FAM184B: variants seen among roughly 807,000 people sequenced by gnomAD.
FAM184B encodes family with sequence similarity 184 member B, also known as protein FAM184B.
FAM184B carries 111 observed loss-of-function variants against 135.9 expected under a neutral mutation model. The observed-to-expected ratio is 0.82, with a 90% CI of 0.70 to 0.96. The LOEUF (loss-of-function observed/expected upper bound fraction) is 0.96. Ranked by LOEUF, FAM184B falls within the 40% of genes least tolerant of loss-of-function variation. The probability of loss-of-function intolerance (pLI) is 0.00; values close to 1 mark genes in which losing one functional copy is unlikely to be tolerated. For missense variants in FAM184B, 1,375 were observed against 1,323.9 expected, an observed-to-expected ratio of 1.04 and a Z score of -0.60; for synonymous variants, 552 against 524.8, an observed-to-expected ratio of 1.05 and a Z score of -0.71.
chr4:17,655,797 A>G (rs1431459219), intron 10 of FAM184B, among the ~76,000 whole-genome samples: 1 of 152,198 alleles, frequency 6.6e-6, no homozygotes, highest in East Asian at 1.9e-4. Context: ...GTGAACAATA[A>G]AAGTGAACCT....
intron 8 of FAM184B, among the ~76,000 whole-genome samples, chr4:17,662,905 A>G (rs1244130845): frequency 2.0e-5 from 3 of 152,230 alleles, no homozygotes. Flanking sequence ...TGTTAACCAC[A>G]TGTCCATGTG....
At chr4:17,748,983 C>G (rs1718237449) in intron 1 of FAM184B, among the ~76,000 whole-genome samples, 1 of 147,624 alleles carries the variant, frequency 6.8e-6, no homozygotes, top group Admixed American at 6.9e-5. Flanking sequence ...CTTGCCAGCA[C>G]ACCCAGCTAA....
intron 1 of FAM184B, among the ~76,000 whole-genome samples, chr4:17,770,581 A>G (rs1318118309): frequency 6.6e-6 from 1 of 152,110 alleles, no homozygotes; most frequent in Non-Finnish European, 1.5e-5. Context: ...CTCCTGCCTC[A>G]GTCTCCCGAG....
chr4:17,720,306 A>G (rs1717491167), intron 1 of FAM184B, among the ~76,000 whole-genome samples: 1 of 152,166 alleles, frequency 6.6e-6, no homozygotes, highest in Non-Finnish European at 1.5e-5. Context: ...TGCTCTTCCC[A>G]CAATATTCCT....
intron 1 of FAM184B, among the ~76,000 whole-genome samples, chr4:17,737,002 G>A (rs1321099270): frequency 6.6e-6 from 1 of 152,126 alleles, no homozygotes; most frequent in Non-Finnish European, 1.5e-5. Context: ...AAAATTAGCT[G>A]AGTATGGTGG....
Position 17,639,314 on chromosome 4 carries a change from T to C in FAM184B, c.2602A>G (p.Met868Val), listed in dbSNP as rs1210557804. ...TGGGCACTACTGAAATCTGCCACCA[T>C]GGCCTGCATCTCCTTCCGGTGTTCC... ...RQEHRKEMQAMVADFSSAQAQ... is the reference protein window; with the variant it reads ...RQEHRKEMQAVVADFSSAQAQ... The change falls in exon 14 of 18, where the codon ATG (methionine) becomes GTG (valine). Residue 868 changes from methionine (M) to valine (V), a missense_variant. By Grantham distance (21) the Met-to-Val change is conservative. Transcript: ENST00000265018. 6.4e-7 allele frequency: 1 copy of C among 1,551,738 alleles called. No homozygotes were observed. The highest frequency in any genetic ancestry group is 2.0e-5 in the Admixed American group (1 of 51,002).
chr4:17,673,453 G>A (rs1716223929), intron 7 of FAM184B, among the ~76,000 whole-genome samples: 1 of 152,058 alleles, frequency 6.6e-6, no homozygotes, highest in African/African-American at 2.4e-5. Context: ...ATATGAAAAG[G>A]GTACTTGCAC....
chr4:17,639,180 G>A (rs1171257471), intron 14 of FAM184B, 70 bp downstream of exon 14: 6 of 1,431,466 alleles, frequency 4.2e-6, no homozygotes, highest in Non-Finnish European at 5.7e-6. Context: ...CAGGGTCATT[G>A]GGGTGAGTTG....
chr4:17,660,236 A>C (rs1715882934), intron 8 of FAM184B, 149 bp from the exon 9 acceptor site: 1 of 891,612 alleles, frequency 1.1e-6, no homozygotes, highest in South Asian at 1.8e-5. Context: ...GGCTTTCAAA[A>C]AGCAACCTGC....
At chr4:17,765,405 A>G (rs1050610327) in intron 1 of FAM184B, among the ~76,000 whole-genome samples, 1 of 152,082 alleles carries the variant, frequency 6.6e-6, no homozygotes, top group Non-Finnish European at 1.5e-5. Context: ...ATTGATTATA[A>G]TATTGATTAT....
At chr4:17,698,724 A>G (rs1716920667) in intron 5 of FAM184B, among the ~76,000 whole-genome samples, 1 of 152,174 alleles carries the variant, frequency 6.6e-6, no homozygotes, top group Admixed American at 6.5e-5. Flanking sequence ...CAAGCTTAAA[A>G]ATAAATCTGG....
intron 1 of FAM184B, among the ~76,000 whole-genome samples, chr4:17,731,939 A>G (rs1470439081): frequency 1.3e-5 from 2 of 152,144 alleles, no homozygotes; most frequent in African/African-American, 4.8e-5. Context: ...TTGGAAGTAA[A>G]GCACTCCTCA....
intron 1 of FAM184B, among the ~76,000 whole-genome samples, chr4:17,717,322 T>G (rs895958247): frequency 6.6e-6 from 1 of 152,168 alleles, no homozygotes; most frequent in African/African-American, 2.4e-5. Context: ...GGTCCCATGT[T>G]TTAGAGACAC....
At chr4:17,763,698 G>T (rs1391959301) in intron 1 of FAM184B, among the ~76,000 whole-genome samples, 2 of 152,060 alleles carry the variant, frequency 1.3e-5, no homozygotes, top group African/African-American at 4.8e-5. Flanking sequence ...CTTATTCAGA[G>T]GCCATCCTTC....
intron 1 of FAM184B, among the ~76,000 whole-genome samples, chr4:17,731,637 A>C (rs1717777599): frequency 6.6e-6 from 1 of 152,264 alleles, no homozygotes; most frequent in Admixed American, 6.5e-5. Context: ...ACTATCCTAA[A>C]TATAAATGCA....
chr4:17,638,701 G>T (rs1715221119), intron 14 of FAM184B, among the ~76,000 whole-genome samples: 1 of 152,214 alleles, frequency 6.6e-6, no homozygotes, highest in Non-Finnish European at 1.5e-5. Context: ...TAATTGAGCA[G>T]CCCTGATCCT....
chr4:17,770,070 G>T (rs1013018977), intron 1 of FAM184B, among the ~76,000 whole-genome samples: 1 of 152,184 alleles, frequency 6.6e-6, no homozygotes, highest in Non-Finnish European at 1.5e-5. Flanking sequence ...GAGAAGGGTG[G>T]TGTGGCAGAG....
At chr4:17,718,215 T>G (rs1392518684) in intron 1 of FAM184B, among the ~76,000 whole-genome samples, 5 of 152,148 alleles carry the variant, frequency 3.3e-5, no homozygotes, top group African/African-American at 1.2e-4. Flanking sequence ...CTTAAAAAAT[T>G]CATTAGTTAT....
At chr4:17,638,354 AT>A (rs11397589) in intron 14 of FAM184B, among the ~76,000 whole-genome samples, 4 of 147,708 alleles carry the variant, frequency 2.7e-5, no homozygotes, top group East Asian at 2.0e-4. Context: ...ATGCCCAGCA[AT>A]TTTTTTTTTG....
Sources: gnomAD v4.1 joint callset for allele counts (sites outside exome capture counted in the v4.1 genomes callset) on GRCh38, gnomAD v4.1.1 for gene constraint, MANE v1.5 for transcripts, NCBI Gene and HGNC (gene_info 2026-07-23, HGNC 2026-07-21) for gene names.